NRXN3: variants seen among roughly 807,000 people sequenced by gnomAD.
NRXN3 encodes the protein neurexin III.
NRXN3 carries 32 observed loss-of-function variants against 137.6 expected under a neutral mutation model. That is an observed-to-expected ratio of 0.23 (90% confidence interval 0.18 to 0.31). The LOEUF is 0.31. Among genes scored for constraint, NRXN3 ranks in the 10% least tolerant of loss-of-function variants. The pLI, the probability that NRXN3 is intolerant of heterozygous loss-of-function variation, is 1.00. For synonymous variants in NRXN3, 798 were observed against 784.5 expected (o/e 1.02, Z -0.29); for missense variants, 1,574 against 2,062.5 (o/e 0.76, Z 4.59).
At chr14:78,906,295 G>C (rs2099216267) in intron 10 of NRXN3, among the ~76,000 whole-genome samples, 1 of 151,864 alleles carries the variant, frequency 6.6e-6, no homozygotes, top group Non-Finnish European at 1.5e-5. Context: ...TCTTTACACT[G>C]TGCCCTGCAC....
chr14:78,954,471 T>G (rs965960059), intron 10 of NRXN3, among the ~76,000 whole-genome samples: 3 of 152,080 alleles, frequency 2.0e-5, no homozygotes, highest in Admixed American at 1.3e-4. Context: ...TTCAGTTTTT[T>G]GGGGGTTTTT....
At chr14:78,839,029 G>A (rs1028568462) in intron 10 of NRXN3, among the ~76,000 whole-genome samples, 39 of 152,284 alleles carry the variant, frequency 2.6e-4, no homozygotes, top group African/African-American at 8.9e-4. Flanking sequence ...GTGAGTGGAT[G>A]CTTTCTCTTC....
At chr14:78,764,506 G>T (rs1361700257) in intron 8 of NRXN3, among the ~76,000 whole-genome samples, 1 of 152,132 alleles carries the variant, frequency 6.6e-6, no homozygotes, top group Non-Finnish European at 1.5e-5. Flanking sequence ...AAAACAACAT[G>T]TGGGAAACAT....
At chr14:78,639,769 C>T (rs1047827251) in intron 4 of NRXN3, among the ~76,000 whole-genome samples, 6 of 152,078 alleles carry the variant, frequency 3.9e-5, no homozygotes, top group African/African-American at 1.2e-4. Context: ...AAAATCATAG[C>T]GTTACAGTTT....
intron 2 of NRXN3, among the ~76,000 whole-genome samples, chr14:78,268,869 G>A (rs61976006): frequency 0.03 from 4,493 of 152,152 alleles, 85 homozygotes; most frequent in African/African-American, 0.05. Flanking sequence ...TCCCTGCCAC[G>A]CTGTCTTCTG....
intron 20 of NRXN3, among the ~76,000 whole-genome samples, chr14:79,821,122 A>G (rs2099270907): frequency 6.6e-6 from 1 of 151,820 alleles, no homozygotes. Flanking sequence ...GCATGTTTTA[A>G]TAAGCTTTGA....
chr14:78,317,793 C>T (rs528700617), intron 4 of NRXN3, among the ~76,000 whole-genome samples: 92 of 152,200 alleles, frequency 6.0e-4, no homozygotes, highest in Non-Finnish European at 1.0e-3. Flanking sequence ...CTTTTCAACT[C>T]GACACTCATC....
intron 20 of NRXN3, among the ~76,000 whole-genome samples, chr14:79,824,115 T>C (rs987692416): frequency 3.3e-5 from 5 of 152,192 alleles, no homozygotes; most frequent in African/African-American, 1.2e-4. Flanking sequence ...CCTGAACAGT[T>C]CTCATCTGTA....
chr14:79,803,246 A>AT (rs1299489327), intron 19 of NRXN3, among the ~76,000 whole-genome samples: 1 of 152,052 alleles, frequency 6.6e-6, no homozygotes, highest in Admixed American at 6.6e-5. Flanking sequence ...ATGTCTATTT[A>AT]AAAAAAGGAT....
intron 17 of NRXN3, chr14:79,669,074 T>A (rs138177506): frequency 9.2e-5 from 14 of 152,294 alleles, no homozygotes; most frequent in African/African-American, 3.4e-4. Context: ...CTTTTCTTTA[T>A]GTCTTTTCCT....
At chr14:79,798,204 A>G (rs765791044) in intron 19 of NRXN3, among the ~76,000 whole-genome samples, 7 of 152,202 alleles carry the variant, frequency 4.6e-5, no homozygotes, top group Non-Finnish European at 8.8e-5. Context: ...CTTAATAGAT[A>G]CATTTAAAAA....
At chr14:79,695,607 A>T (rs768757218) in intron 18 of NRXN3, among the ~76,000 whole-genome samples, 49 of 148,310 alleles carry the variant, frequency 3.3e-4, no homozygotes, top group Non-Finnish European at 6.8e-4. Context: ...CCATCATTTC[A>T]TGTCTTTTGT....
intron 4 of NRXN3, among the ~76,000 whole-genome samples, chr14:78,417,802 G>C (rs1376980924): frequency 1.3e-5 from 2 of 152,156 alleles, no homozygotes; most frequent in Non-Finnish European, 2.9e-5. Flanking sequence ...TGTCCCCCAG[G>C]CTGGAGTGCA....
At chr14:79,430,453 C>T (rs1388015738) in intron 15 of NRXN3, among the ~76,000 whole-genome samples, 1 of 152,156 alleles carries the variant, frequency 6.6e-6, no homozygotes, top group Non-Finnish European at 1.5e-5. Flanking sequence ...CCAATTATTG[C>T]TTCTGGGTTT....
intron 16 of NRXN3, among the ~76,000 whole-genome samples, chr14:79,610,395 CA>C (rs756624472): frequency 1.1e-4 from 17 of 152,216 alleles, no homozygotes; most frequent in Non-Finnish European, 2.2e-4. Context: ...TAGTATTTAA[CA>C]GTTTTCATGT....
At chr14:78,778,678 T>TCTTCTTTCTTTC (rs1555489567) in intron 8 of NRXN3, among the ~76,000 whole-genome samples, 1 of 114,472 alleles carries the variant, frequency 8.7e-6, no homozygotes, top group African/African-American at 3.6e-5. Context: ...TTCTCTTTTC[T>TCTTCTTTCTTTC]TTTCTTTCTT....
intron 10 of NRXN3, among the ~76,000 whole-genome samples, chr14:78,941,962 A>G (rs1444054341): frequency 2.0e-5 from 3 of 152,178 alleles, no homozygotes; most frequent in Non-Finnish European, 4.4e-5. Context: ...AGAATCTTGG[A>G]AAATCTGAAA....
intron 16 of NRXN3, among the ~76,000 whole-genome samples, chr14:79,610,224 A>T (rs1482179597): frequency 6.6e-6 from 1 of 151,822 alleles, no homozygotes; most frequent in Non-Finnish European, 1.5e-5. Context: ...TAAAGAAAAA[A>T]CAAAGCAGAC....
intron 15 of NRXN3, among the ~76,000 whole-genome samples, chr14:79,018,752 ATTGCTAGTGTCTCAATAT>A (rs991047160): frequency 1.8e-4 from 27 of 152,348 alleles, no homozygotes; most frequent in Non-Finnish European, 3.7e-4. Context: ...CAATAAACCT[ATTGCTAGTGTCTCAATAT>A]TTGCCTCCAA....
Sources: allele counts gnomAD v4.1 joint callset (sites outside exome capture counted in the v4.1 genomes callset), GRCh38; gene constraint gnomAD v4.1.1; transcripts MANE v1.5; gene names NCBI Gene and HGNC (gene_info 2026-07-23, HGNC 2026-07-21).